DRP2: variants seen among roughly 807,000 people sequenced by gnomAD.
The protein encoded by DRP2 is dystrophin related protein 2.
DRP2 carries 29 observed loss-of-function variants against 78.2 expected under a neutral mutation model. That is an observed-to-expected ratio of 0.37 (90% CI 0.28 to 0.51). The LOEUF is 0.51. Among genes scored for constraint, DRP2 ranks in the 20% least tolerant of loss-of-function variants. DRP2 has a pLI of 0.94. For missense variants in DRP2, 686 were observed against 770.6 expected (o/e 0.89, Z 1.30); for synonymous variants, 290 against 281.9 (o/e 1.03, Z -0.29).
At chrX:101,232,894 T>C (rs7060819) in intron 3 of DRP2, among the ~76,000 whole-genome samples, 14,289 of 111,701 alleles carry the variant, frequency 0.13, 701 homozygotes, top group Middle Eastern at 0.18. Context: ...GGCTTCATTT[T>C]GTGATTGCCA....
chrX:101,242,863 G>A, intron 8 of DRP2, 41 bp from the exon 9 acceptor site: 1 of 1,157,581 alleles, frequency 8.6e-7, no homozygotes. Context: ...ACTCTAAATA[G>A]CTGGAATGAA....
At chrX:101,244,547 T>TGA (rs1325592588) in intron 9 of DRP2, among the ~76,000 whole-genome samples, 1 of 110,808 alleles carries the variant, frequency 9.0e-6, no homozygotes, top group Non-Finnish European at 1.9e-5. Flanking sequence ...GAGTTCCTCA[T>TGA]GAGAGAGAGA....
chrX:101,243,020 C>G (rs1448290433), intron 9 of DRP2, 38 bp downstream of exon 9: 16 of 1,157,858 alleles, frequency 1.4e-5, no homozygotes, highest in Non-Finnish European at 1.9e-5. Flanking sequence ...AGCAGAACCT[C>G]AGCCATCTTC....
At chrX:101,232,762 C>T (rs1269705632) in intron 3 of DRP2, among the ~76,000 whole-genome samples, 2 of 112,255 alleles carry the variant, frequency 1.8e-5, no homozygotes, top group Non-Finnish European at 3.8e-5. Context: ...ATTAACCTAC[C>T]CCTTCCCCGG....
At chrX:101,256,417 C>G (rs1160778499) in intron 21 of DRP2, among the ~76,000 whole-genome samples, 156 bp downstream of exon 21, 1 of 112,096 alleles carries the variant, frequency 8.9e-6, no homozygotes, top group Non-Finnish European at 1.9e-5. Context: ...GGATGATGAT[C>G]ATCAAACCTG....
intron 21 of DRP2, among the ~76,000 whole-genome samples, chrX:101,256,639 C>T (rs1206188803): frequency 2.8e-5 from 3 of 107,301 alleles, no homozygotes; most frequent in Non-Finnish European, 5.8e-5. Flanking sequence ...ACCTCTGGCT[C>T]CTGAGTTCAA....
At chrX:101,256,007 G>T in intron 20 of DRP2, 111 bp from the exon 21 acceptor site, 2 of 982,241 alleles carry the variant, frequency 2.0e-6, no homozygotes, top group South Asian at 6.2e-5. Context: ...CTCTCGATGT[G>T]ACTTAGAAGT....
intron 6 of DRP2, 29 bp from the exon 7 acceptor site, chrX:101,241,639 C>T (rs1376630704): frequency 8.3e-7 from 1 of 1,204,039 alleles, no homozygotes; most frequent in African/African-American, 1.8e-5. Flanking sequence ...CCTGGTTGGC[C>T]TAACCTGGCT....
chrX:101,260,155 A>T lies in DRP2; in HGVS notation c.2735A>T (p.Asp912Val), dbSNP rs1267314638. Residue 912 changes from aspartate (D) to valine (V), a missense_variant, in exon 23 of 24, where the codon GAT (aspartate) becomes GTT (valine). Transcript: ENST00000395209. ...CGGGAGAAGGGACAGACTACTCCAGATACCGAGGCTGCAGGTGAGTTCCCC... is the reference window on the plus strand; with the variant it reads ...CGGGAGAAGGGACAGACTACTCCAGTTACCGAGGCTGCAGGTGAGTTCCCC... The part of the protein sequence containing the change: ...HPREKGQTTP[D>V]TEAADDVGSK... The T allele has an allele frequency of 1.7e-6, 2 of 1,209,452 alleles. No homozygotes were observed. Among genetic ancestry groups the T allele is most frequent in the Admixed American group, 2.2e-5 (1 of 45,746 alleles).
Position 101,260,998 on chromosome X carries a change from A to C in DRP2, c.*377A>C, listed in dbSNP as rs1407356355. ...CTTCCTTCTCCGTGGAATTATGGAA[A>C]GAGAGAAGCCTAATTACCCCAAGGT... On this transcript the variant is annotated 3_prime_UTR_variant, in exon 24 of 24. Transcript: ENST00000395209. The C allele has an allele frequency of 1.5e-5, 2 of 134,498 alleles. No individual in the cohort carries two copies. Among genetic ancestry groups the C allele is most frequent in the African/African-American group, 6.3e-5 (2 of 31,662 alleles). 11.1% of individuals were successfully genotyped at this position (134,498 alleles called of 1,213,427 possible).
At chrX:101,256,837 G>A (rs1172439628) in intron 21 of DRP2, among the ~76,000 whole-genome samples, 1 of 107,264 alleles carries the variant, frequency 9.3e-6, no homozygotes. Flanking sequence ...GGGATTACAG[G>A]CATGAGCCAC....
In DRP2 at chrX:101,241,784, A is replaced by G. The variant is rs201301982; in HGVS notation, c.676A>G (p.Ile226Val). Residue 226 changes from isoleucine (I) to valine (V), a missense_variant, in exon 7 of 24, where the codon ATT becomes GTT. Physicochemically the swap from Ile to Val is conservative, Grantham distance 29 (BLOSUM62 3). Coordinates refer to ENST00000395209, the MANE Select transcript of DRP2 (RefSeq NM_001939.3). Reference sequence around the variant, plus strand: ...CCGCTGTGTGGACCAGCACCGTCACATTGAGCGGACTCTGGAGCAGCTCTT... The same window carrying G: ...CCGCTGTGTGGACCAGCACCGTCACGTTGAGCGGACTCTGGAGCAGCTCTT... ...TARCVDQHRH[I>V]ERTLEQLLEI... 5.0e-6 allele frequency: 6 copies of G among 1,210,021 alleles called. No homozygotes were observed. In the Admixed American group the frequency reaches 1.1e-4, roughly 22 times the overall value.
chrX:101,224,182 G>GTTTTTTTTTTTTT (rs1214156680), intron 1 of DRP2, among the ~76,000 whole-genome samples: 7 of 44,232 alleles, frequency 1.6e-4, no homozygotes, highest in Non-Finnish European at 2.4e-4. Flanking sequence ...TGTTTGCTGG[G>GTTTTTTTTTTTTT]TTTTTTTTGT....
chrX:101,252,811 C>G (rs958640462), intron 17 of DRP2, 95 bp downstream of exon 17: 1 of 678,396 alleles, frequency 1.5e-6, no homozygotes. Flanking sequence ...GTTTTCTGCT[C>G]TCCCGTGGGG....
At chrX:101,243,152 C>T (rs1312905152) in intron 9 of DRP2, 170 bp downstream of exon 9, 4 of 385,130 alleles carry the variant, frequency 1.0e-5, no homozygotes, top group Admixed American at 4.5e-5. Context: ...CTCGGCTGGG[C>T]GTGGTGGCTC....
intron 4 of DRP2, among the ~76,000 whole-genome samples, chrX:101,236,904 ATAGT>A (rs367985262): frequency 6.7e-4 from 75 of 111,696 alleles, no homozygotes; most frequent in African/African-American, 2.3e-3. Flanking sequence ...ATGAATAAAG[ATAGT>A]TATTATTGTC....
intron 1 of DRP2, among the ~76,000 whole-genome samples, chrX:101,223,272 A>C (rs748703003): frequency 1.9e-4 from 21 of 111,852 alleles, no homozygotes; most frequent in Non-Finnish European, 3.6e-4. Context: ...AAGTGTTGGG[A>C]TTACAGCCAT....
rs954935610 is a variant in DRP2 at position 101,264,098 on chromosome X, G to A, written c.*3477G>A. The A allele has an allele frequency of 1.4e-4, 16 of 112,289 alleles. No homozygotes were observed. The highest frequency in any genetic ancestry group is 5.2e-4 in the African/African-American group (16 of 30,911). The allele number at this position is 112,289 out of a possible 1,213,427, so 9.3% of individuals were successfully genotyped here. ...GGAGACTTAATTCTTCAGCTGGGTG[G>A]TTCCCGTAGGAACAAGGAACACTTT... is the stretch of plus-strand genomic sequence containing the variant. On this transcript the variant is annotated 3_prime_UTR_variant, in exon 24 of 24. Coordinates refer to ENST00000395209, the MANE Select transcript of DRP2 (RefSeq NM_001939.3).
rs910108629 is a variant in DRP2 at position 101,259,641 on chromosome X, G to A, written c.2629-408G>A. Among the ~76,000 whole-genome samples the A allele has an allele frequency of 3.6e-5, 4 of 111,626 alleles. No homozygotes were observed. The East Asian group carries it at 1.1e-3, about 32-fold the overall frequency. ...AGCCTCCCAAGTAGCTGGGATTATA[G>A]GCATGGGCCACCATGCCCGGCTAAT... On this transcript the variant is annotated intron_variant, in intron 22 of 23. Coordinates refer to ENST00000395209, the MANE Select transcript of DRP2 (RefSeq NM_001939.3).
Sources: gnomAD v4.1 joint callset for allele counts (sites outside exome capture counted in the v4.1 genomes callset) on GRCh38, gnomAD v4.1.1 for gene constraint, MANE v1.5 for transcripts, NCBI Gene and HGNC (gene_info 2026-07-23, HGNC 2026-07-21) for gene names.